Variants in FGF12 observed in about 807,000 individuals in gnomAD.
FGF12 encodes the protein fibroblast growth factor 12, also known as fibroblast growth factor 12B.
In FGF12, 14 loss-of-function variants were observed where a neutral mutation model predicts 23.6. The ratio of observed to expected loss-of-function variants is 0.59; its 90% confidence interval spans 0.39 to 0.93. FGF12 has a LOEUF of 0.93. Among genes scored for constraint, FGF12 ranks in the 40% least tolerant of loss-of-function variants. The pLI, the probability that FGF12 is intolerant of heterozygous loss-of-function variation, is 0.00. For missense variants in FGF12, 175 were observed against 217.8 expected, an observed-to-expected ratio of 0.80 and a Z score of 1.24; for synonymous variants, 62 against 77.3, an observed-to-expected ratio of 0.80 and a Z score of 1.04.
intron 2 of FGF12, among the ~76,000 whole-genome samples, chr3:192,654,081 T>C (rs1716309338): frequency 6.6e-6 from 1 of 152,216 alleles, no homozygotes; most frequent in Non-Finnish European, 1.5e-5. Context: ...ATATTTAATG[T>C]TGCCTAACAA....
At chr3:192,394,156 GACT>G (rs752453113) in intron 2 of FGF12, among the ~76,000 whole-genome samples, 8 of 146,504 alleles carry the variant, frequency 5.5e-5, no homozygotes, top group Non-Finnish European at 1.1e-4. Context: ...TTATCTTCGA[GACT>G]ACACTAGTAA....
At chr3:192,377,970 T>C (rs1389705274) in intron 2 of FGF12, among the ~76,000 whole-genome samples, 1 of 142,316 alleles carries the variant, frequency 7.0e-6, no homozygotes, top group Non-Finnish European at 1.5e-5. Flanking sequence ...AAAATGTCTT[T>C]TCTGGTATTA....
At chr3:192,507,103 A>C (rs1031152702) in intron 2 of FGF12, among the ~76,000 whole-genome samples, 1 of 151,802 alleles carries the variant, frequency 6.6e-6, no homozygotes, top group Non-Finnish European at 1.5e-5. Context: ...CGTGTTAGCC[A>C]GCATGGTCTT....
At chr3:192,458,652 A>C (rs1343039303) in intron 2 of FGF12, among the ~76,000 whole-genome samples, 4 of 152,200 alleles carry the variant, frequency 2.6e-5, no homozygotes, top group African/African-American at 9.7e-5. Flanking sequence ...TTACAGGCTC[A>C]TAGGCAGAAG....
At chr3:192,259,456 A>G (rs972609514) in intron 4 of FGF12, among the ~76,000 whole-genome samples, 1 of 152,154 alleles carries the variant, frequency 6.6e-6, no homozygotes, top group African/African-American at 2.4e-5. Context: ...GCTGAGCACA[A>G]TTATGTTATT....
chr3:192,183,395 A>G (rs1716287010), intron 4 of FGF12, among the ~76,000 whole-genome samples: 1 of 152,186 alleles, frequency 6.6e-6, no homozygotes, highest in African/African-American at 2.4e-5. Context: ...CTAGATAAAC[A>G]GTTCTGATGG....
At chr3:192,253,913 C>T (rs976906402) in intron 4 of FGF12, among the ~76,000 whole-genome samples, 7 of 151,768 alleles carry the variant, frequency 4.6e-5, no homozygotes, top group Non-Finnish European at 5.9e-5. Context: ...TTTAACTTGA[C>T]GAATAAAAAA....
At chr3:192,154,443 T>C (rs1714233406) in intron 5 of FGF12, among the ~76,000 whole-genome samples, 1 of 121,232 alleles carries the variant, frequency 8.2e-6, no homozygotes, top group Admixed American at 8.4e-5. Flanking sequence ...ATTTTTGTGG[T>C]TTTATCTACT....
intron 4 of FGF12, among the ~76,000 whole-genome samples, chr3:192,299,062 T>C (rs767127641): frequency 2.0e-5 from 3 of 152,182 alleles, no homozygotes; most frequent in Non-Finnish European, 4.4e-5. Flanking sequence ...CCTCCAACAG[T>C]GCAGATCAAA....
chr3:192,371,575 T>C (rs1478530809), intron 2 of FGF12, among the ~76,000 whole-genome samples: 2 of 152,224 alleles, frequency 1.3e-5, no homozygotes, highest in African/African-American at 2.4e-5. Flanking sequence ...ACAGAATTAA[T>C]GTAGATAGGA....
intron 2 of FGF12, among the ~76,000 whole-genome samples, chr3:192,663,090 C>T (rs1211795591): frequency 6.6e-6 from 1 of 152,176 alleles, no homozygotes; most frequent in Non-Finnish European, 1.5e-5. Flanking sequence ...ACAGAAATAA[C>T]ACACTAGCAT....
chr3:192,614,494 T>A (rs2108642375), intron 2 of FGF12, among the ~76,000 whole-genome samples: 1 of 152,080 alleles, frequency 6.6e-6, no homozygotes, highest in South Asian at 2.1e-4. Context: ...AAGAAACTAT[T>A]TCATTCAAGT....
intron 5 of FGF12, among the ~76,000 whole-genome samples, chr3:192,167,380 A>G (rs892865023): frequency 6.6e-6 from 1 of 151,924 alleles, no homozygotes; most frequent in Non-Finnish European, 1.5e-5. Flanking sequence ...AGAAGGGCAG[A>G]TCCAGGGCCA....
intron 4 of FGF12, among the ~76,000 whole-genome samples, chr3:192,242,407 A>G (rs1719666385): frequency 6.6e-6 from 1 of 152,062 alleles, no homozygotes. Context: ...AACATTGCCA[A>G]TTTTCCCCTT....
chr3:192,226,645 A>G, intron 4 of FGF12, among the ~76,000 whole-genome samples: 1 of 152,284 alleles, frequency 6.6e-6, no homozygotes, highest in Non-Finnish European at 1.5e-5. Context: ...CAAGGTGATT[A>G]GGTCATGAGG....
At chr3:192,644,921 G>C (rs1715945348) in intron 2 of FGF12, among the ~76,000 whole-genome samples, 2 of 152,128 alleles carry the variant, frequency 1.3e-5, no homozygotes, top group Admixed American at 6.5e-5. Context: ...CCAAATCTTT[G>C]AGAAATATAT....
At chr3:192,252,950 A>G (rs999658008) in intron 4 of FGF12, among the ~76,000 whole-genome samples, 2 of 152,156 alleles carry the variant, frequency 1.3e-5, no homozygotes, top group African/African-American at 2.4e-5. Context: ...GAAAGAAACA[A>G]TAAGAAACTA....
chr3:192,341,311 T>G (rs1717678268), intron 3 of FGF12, among the ~76,000 whole-genome samples: 1 of 152,142 alleles, frequency 6.6e-6, no homozygotes, highest in Non-Finnish European at 1.5e-5. Context: ...TTAATCATGC[T>G]ACAGGAAAGA....
intron 2 of FGF12, among the ~76,000 whole-genome samples, chr3:192,423,095 A>T (rs1204035385): frequency 6.6e-6 from 1 of 152,160 alleles, no homozygotes; most frequent in Non-Finnish European, 1.5e-5. Flanking sequence ...ATAGCATAGC[A>T]TCTCACTTCT....
Sources: allele counts gnomAD v4.1 joint callset (sites outside exome capture counted in the v4.1 genomes callset), GRCh38; gene constraint gnomAD v4.1.1; transcripts MANE v1.5; gene names NCBI Gene and HGNC (gene_info 2026-07-23, HGNC 2026-07-21).